Variants in MAP4K5 observed in about 807,000 individuals in gnomAD.
MAP4K5 encodes mitogen-activated protein kinase kinase kinase kinase 5, also known as MAPK/ERK kinase kinase kinase 5.
In MAP4K5, 82 loss-of-function variants were observed where a neutral mutation model predicts 135.6. That is an observed-to-expected ratio of 0.60 (90% confidence interval 0.51 to 0.73). MAP4K5 has a LOEUF of 0.73. MAP4K5 is among the 30% of genes least tolerant of loss of function. The pLI is 0.00. For missense variants in MAP4K5, 907 were observed against 1,010.9 expected, an observed-to-expected ratio of 0.90 and a Z score of 1.39; for synonymous variants, 347 against 335.0, an observed-to-expected ratio of 1.04 and a Z score of -0.39.
chr14:50,528,402 TAAAAAAAAAAAA>T (rs5808556), intron 2 of MAP4K5, among the ~76,000 whole-genome samples: 1 of 107,072 alleles, frequency 9.3e-6, no homozygotes, highest in Non-Finnish European at 1.9e-5. Context: ...ACCTAAGGTG[TAAAAAAAAAAAA>T]AAAAAAAAAG....
chr14:50,527,738 A>G (rs1388179394), intron 2 of MAP4K5, among the ~76,000 whole-genome samples: 5 of 152,028 alleles, frequency 3.3e-5, no homozygotes, highest in African/African-American at 1.2e-4. Flanking sequence ...TTCTTCTATA[A>G]TCAATCAGAT....
At chr14:50,422,815 T>A (rs761083838) in intron 32 of MAP4K5, among the ~76,000 whole-genome samples, 41 of 152,120 alleles carry the variant, frequency 2.7e-4, no homozygotes, top group Non-Finnish European at 5.1e-4. Context: ...CAGCACACCA[T>A]GAAGAAATGA....
chr14:50,560,461 T>C (rs2038824299), intron 1 of MAP4K5: 1 of 967,118 alleles, frequency 1.0e-6, no homozygotes, highest in Non-Finnish European at 1.6e-6. Flanking sequence ...GGAGGAACCA[T>C]GGCCGAGCGG....
chr14:50,461,791 T>A (rs1381312303), intron 13 of MAP4K5, among the ~76,000 whole-genome samples: 1 of 151,926 alleles, frequency 6.6e-6, no homozygotes, highest in Non-Finnish European at 1.5e-5. Flanking sequence ...TGGTAGCAGG[T>A]ACCTGCAGTC....
rs1262041688 is a variant in MAP4K5 at position 50,419,775 on chromosome 14, A to G, written c.*244T>C. 2.5e-6 allele frequency: 1 copy of G among 393,834 alleles called. No individual in the cohort carries two copies. Among genetic ancestry groups the G allele is most frequent in the East Asian group, 3.7e-5 (1 of 26,904 alleles). The allele number at this position is 393,834 out of a possible 1,614,324, so 24.4% of individuals were successfully genotyped here. A position where few individuals can be genotyped will look rare whatever the true frequency, so the allele number is the denominator to read the frequency against. ...AAAAAAGACTGTGTTTCCTGGAACTAGAGGACTATTTGTCTCATAGCTTTT... is the reference window on the plus strand; with the variant it reads ...AAAAAAGACTGTGTTTCCTGGAACTGGAGGACTATTTGTCTCATAGCTTTT... On this transcript the variant is annotated 3_prime_UTR_variant, in exon 33 of 33. Transcript: ENST00000682126.
chr14:50,502,474 C>T (rs764846383), intron 3 of MAP4K5, among the ~76,000 whole-genome samples: 7 of 151,940 alleles, frequency 4.6e-5, no homozygotes, highest in South Asian at 2.1e-4. Context: ...TTCCCAATAG[C>T]GAGAAATACC....
intron 1 of MAP4K5, chr14:50,560,974 T>A (rs2038836510): frequency 6.5e-6 from 1 of 153,282 alleles, no homozygotes; most frequent in African/African-American, 2.4e-5. Context: ...TCCAGCCTTC[T>A]GCCCCACCCC....
Position 50,527,024 on chromosome 14 carries a change from G to C in MAP4K5, c.108+4918C>G, listed in dbSNP as rs190629116. On this transcript the variant is annotated intron_variant, in intron 2 of 32. Coordinates refer to ENST00000682126, the MANE Select transcript of MAP4K5 (RefSeq NM_006575.6). The stretch of plus-strand genomic sequence containing the variant: ...AACTTAGAATGATTAACTAAATGAA[G>C]GCTCATTCAACGGATCCTTTAAAAA... 2.0e-5 allele frequency among the ~76,000 whole-genome samples: 3 copies of C among 152,192 alleles called. No individual in the cohort carries two copies. The East Asian group carries it at 5.8e-4, about 29-fold the overall frequency.
At chr14:50,478,482 T>C (rs981829566) in intron 6 of MAP4K5, among the ~76,000 whole-genome samples, 3 of 152,142 alleles carry the variant, frequency 2.0e-5, no homozygotes, top group African/African-American at 7.2e-5. Flanking sequence ...TCTAGCTTCT[T>C]AGGTGGAAGC....
At chr14:50,551,930 C>T (rs965729202) in intron 1 of MAP4K5, among the ~76,000 whole-genome samples, 1 of 152,160 alleles carries the variant, frequency 6.6e-6, no homozygotes, top group Admixed American at 6.5e-5. Flanking sequence ...AATTTGAAAG[C>T]ATTCCCCCAG....
chr14:50,456,572 G>A lies in MAP4K5; in HGVS notation c.959C>T (p.Thr320Ile). 6.3e-7 allele frequency: 1 copy of A among 1,575,320 alleles called. No homozygotes were observed. Among genetic ancestry groups the A allele is most frequent in the Non-Finnish European group, 8.6e-7 (1 of 1,158,890 alleles). Reference sequence around the variant, plus strand: ...GGCATTCCTGTTTGTAGATCTAATGGTATGACGAATGATTGCATGGGGCTG... The same window carrying A: ...GGCATTCCTGTTTGTAGATCTAATGATATGACGAATGATTGCATGGGGCTG... ...DFEPHAIIRH[T>I]IRSTNRNARA... Residue 320 changes from threonine (T) to isoleucine (I), a missense_variant, in exon 14 of 33, where the codon ACC (threonine) becomes ATC (isoleucine). Around this residue, in one of 3 missense-constraint regions of MAP4K5, gnomAD observed 690 missense variants for 777.4 expected, o/e 0.89. Transcript: ENST00000682126.
chr14:50,550,687 T>TG (rs2038691628), intron 1 of MAP4K5, among the ~76,000 whole-genome samples: 1 of 152,170 alleles, frequency 6.6e-6, no homozygotes, highest in Admixed American at 6.6e-5. Flanking sequence ...AAATCAAAAT[T>TG]ATATCAAGTA....
In MAP4K5 at chr14:50,560,471, G is replaced by A. The variant is rs2038824565; in HGVS notation, c.-180+569C>T. 12 of 867,572 alleles carry A rather than the reference G, an allele frequency of 1.4e-5. No homozygotes were observed. In the South Asian group the frequency reaches 1.9e-4, roughly 14 times the overall value. 53.7% of individuals were successfully genotyped at this position (867,572 alleles called of 1,614,324 possible). ...TGGGCGGAGGAACCATGGCCGAGCG[G>A]TACCCGCGTCACCGAATCGCGCTGT... is the stretch of plus-strand genomic sequence containing the variant. On this transcript the variant is annotated intron_variant, in intron 1 of 8. Transcript: ENST00000555216.
At position 50,504,847 on chromosome 14, in the gene MAP4K5, A is replaced by T; in HGVS notation, c.119T>A (p.Val40Glu). The change falls in exon 3 of 33, where the codon GTA becomes GAA. Residue 40 changes from valine (V) to glutamate (E), a missense_variant. This residue lies in a region of MAP4K5 where 196 missense variants were observed against 189.3 expected (regional missense o/e 1.04). Coordinates refer to ENST00000682126, the MANE Select transcript of MAP4K5 (RefSeq NM_006575.6). ...TACTGCAGCCAGCTCTCCTGTGTGT[A>T]CATTTCTGGCCTAAAAATAAAATAA... Reference protein sequence around the residue: ...TYGDVYKARNVHTGELAAVKI... With the variant: ...TYGDVYKARNEHTGELAAVKI... 6.5e-7 allele frequency: 1 copy of T among 1,549,326 alleles called. No individual in the cohort carries two copies. Among genetic ancestry groups the T allele is most frequent in the Non-Finnish European group, 8.7e-7 (1 of 1,147,172 alleles).
intron 2 of MAP4K5, among the ~76,000 whole-genome samples, chr14:50,519,664 TAAAATAAATA>T (rs2038107447): frequency 6.6e-6 from 1 of 151,250 alleles, no homozygotes. Flanking sequence ...AAAAAATAAA[TAAAATAAATA>T]AAAATAAAAA....
At chr14:50,523,985 G>A (rs1022865418) in intron 2 of MAP4K5, among the ~76,000 whole-genome samples, 1 of 152,188 alleles carries the variant, frequency 6.6e-6, no homozygotes, top group African/African-American at 2.4e-5. Context: ...GAAAGGGAGG[G>A]AGGTTTTTAC....
At chr14:50,447,275 A>C in intron 16 of MAP4K5, 139 bp downstream of exon 16, 1 of 567,958 alleles carries the variant, frequency 1.8e-6, no homozygotes, top group Non-Finnish European at 3.1e-6. Context: ...CTTTTTGGTA[A>C]AACTCAAAAG....
At chr14:50,560,938 GGAA>G (rs2038835996) in intron 1 of MAP4K5, 1 of 153,216 alleles carries the variant, frequency 6.5e-6, no homozygotes, top group African/African-American at 2.4e-5. Context: ...GGGGAATTGG[GGAA>G]GAAGGAGAGC....
intron 22 of MAP4K5, 105 bp from the exon 23 acceptor site, chr14:50,440,178 G>A: frequency 2.3e-6 from 2 of 879,598 alleles, no homozygotes; most frequent in East Asian, 2.9e-5. Flanking sequence ...TAACTTTCAG[G>A]TAATTATCAA....
Sources: gnomAD v4.1 joint callset for allele counts (sites outside exome capture counted in the v4.1 genomes callset) on GRCh38, gnomAD v4.1.1 for gene constraint, gnomAD v4.1.1 regional missense constraint, MANE v1.5 for transcripts, NCBI Gene and HGNC (gene_info 2026-07-23, HGNC 2026-07-21) for gene names.